The following FBXO7 variants were observed in gnomAD, a reference collection of about 807,000 sequenced individuals.
The protein encoded by FBXO7 is F-box only protein 7.
FBXO7 carries 31 observed loss-of-function variants against 50.2 expected under a neutral mutation model. That is an observed-to-expected ratio of 0.62 (90% CI 0.46 to 0.83). The LOEUF (loss-of-function observed/expected upper bound fraction) is 0.83. FBXO7 is among the 40% of genes least tolerant of loss of function. The probability of loss-of-function intolerance (pLI) is 0.00; values close to 1 mark genes in which losing one functional copy is unlikely to be tolerated. For synonymous variants in FBXO7, 256 were observed against 253.1 expected, an observed-to-expected ratio of 1.01 and a Z score of -0.11; for missense variants, 667 against 646.6, an observed-to-expected ratio of 1.03 and a Z score of -0.34.
rs762209257 is a variant in FBXO7, at chr22:32,483,895, A to T, written c.418-2A>T. 6 of 1,613,340 alleles carry T rather than the reference A, an allele frequency of 3.7e-6. No individual in the cohort carries two copies. The highest frequency in any genetic ancestry group is 5.1e-6 in the Non-Finnish European group (6 of 1,179,406). On this transcript the variant is annotated splice_acceptor_variant, in intron 2 of 8. Coordinates refer to ENST00000266087, the MANE Select transcript of FBXO7 (RefSeq NM_012179.4). LOFTEE classifies it high-confidence loss of function. ...ATTCATTGTTTTGTTTTCCTTTTTC[A>T]GTTAGGGCCTAGTCAAAATTTTGAA...
intron 2 of FBXO7, among the ~76,000 whole-genome samples, chr22:32,483,055 A>G (rs890699719): frequency 6.6e-6 from 1 of 152,218 alleles, no homozygotes; most frequent in Non-Finnish European, 1.5e-5. Context: ...AGGACTTTGT[A>G]TGCTAAGGGA....
Position 32,485,183 on chromosome 22 carries a change from C to T in FBXO7, c.761C>T (p.Pro254Leu). The stretch of plus-strand genomic sequence containing the variant: ...AGCTCCGCTACTCTCACCTGTGTGC[C>T]TTTGGGAAACCTGATTGTTGTAAAT... ...EGSSATLTCV[P>L]LGNLIVVNAT... Residue 254 changes from proline (P) to leucine (L), a missense_variant, in exon 4 of 9, where the codon CCT (proline) becomes CTT (leucine). Physicochemically the swap from Pro to Leu is moderately conservative, Grantham distance 98. Coordinates refer to ENST00000266087, the MANE Select transcript of FBXO7 (RefSeq NM_012179.4). 6.2e-7 allele frequency: 1 copy of T among 1,614,116 alleles called. No homozygotes were observed. Among genetic ancestry groups the T allele is most frequent in the Admixed American group, 1.7e-5 (1 of 60,020 alleles).
intron 1 of FBXO7, among the ~76,000 whole-genome samples, chr22:32,476,862 A>G (rs906325657): frequency 6.6e-6 from 1 of 152,222 alleles, no homozygotes; most frequent in Admixed American, 6.5e-5. Flanking sequence ...GAATCCTGGA[A>G]AACTATATAT....
At chr22:32,488,022 TC>T (rs1763384344) in intron 5 of FBXO7, 194 bp downstream of exon 5, 1 of 544,484 alleles carries the variant, frequency 1.8e-6, no homozygotes, top group South Asian at 2.1e-5. Flanking sequence ...GGAGTTTGTT[TC>T]TTTCCTGTTT....
In FBXO7 at chr22:32,495,381, T is replaced by TTTC. The variant is rs1555884622; in HGVS notation, c.1145-110_1145-109insCTT. On this transcript the variant is annotated intron_variant, in intron 7 of 8. Transcript: ENST00000266087. ...TATAAATGGTTAGTTTTTTTTTTTTTTTATGCTTAACGGGTAAGTTTCACT... is the reference window on the plus strand; with the variant it reads ...TATAAATGGTTAGTTTTTTTTTTTTTTTCTTATGCTTAACGGGTAAGTTTCACT... The TTTC allele has an allele frequency of 0.048, 28,938 of 601,474 alleles. 68 individuals are homozygous for TTTC. The highest frequency in any genetic ancestry group is 0.15 in the East Asian group (4,638 of 31,162). The allele number at this position is 601,474 out of a possible 1,614,324, so 37.3% of individuals were successfully genotyped here. A position where few individuals can be genotyped will look rare whatever the true frequency, so the allele number is the denominator to read the frequency against.
intron 1 of FBXO7, chr22:32,475,451 C>T: frequency 1.9e-6 from 3 of 1,600,388 alleles, no homozygotes; most frequent in Middle Eastern, 1.7e-4. Context: ...GAGGAGGGAA[C>T]GCACAATTTC....
chr22:32,487,619 A>T (rs540147772), intron 4 of FBXO7, 126 bp from the exon 5 acceptor site: 2 of 672,120 alleles, frequency 3.0e-6, no homozygotes, highest in South Asian at 3.4e-5. Flanking sequence ...TAGGCGAAGA[A>T]CAGTTTGTTT....
chr22:32,495,460 T>C, intron 7 of FBXO7, 33 bp from the exon 8 acceptor site: 1 of 1,509,552 alleles, frequency 6.6e-7, no homozygotes, highest in Non-Finnish European at 9.2e-7. Flanking sequence ...ATGAAATGTT[T>C]TTAAATCCTT....
rs1438517742 is a variant in FBXO7, at chr22:32,491,181, G to A, written c.967G>A (p.Ala323Thr). 1 of 1,578,766 alleles carries A rather than the reference G, an allele frequency of 6.3e-7. No homozygotes were observed. The highest frequency in any genetic ancestry group is 1.3e-5 in the African/African-American group (1 of 74,256). ...TCCTCTTCTGGCTTTTACCCGACAA[G>A]GTAAGAGATGAAATACTGTCACAAT... The part of the protein sequence containing the change: ...VYPLLAFTRQ[A>T]LNLPDVFGLV... Residue 323 changes from alanine (A) to threonine (T), a missense_variant and splice_region_variant, in exon 6 of 9, where the codon GCA becomes ACA. Transcript: ENST00000266087.
At chr22:32,480,758 C>T (rs1337982478) in intron 2 of FBXO7, among the ~76,000 whole-genome samples, 1 of 151,942 alleles carries the variant, frequency 6.6e-6, no homozygotes, top group African/African-American at 2.4e-5. Context: ...CAACCCTACC[C>T]TTCCGGGGTC....
chr22:32,484,043 A>C lies in FBXO7; in HGVS notation c.564A>C (p.Gln188His), dbSNP rs374263493. Residue 188 changes from glutamine (Q) to histidine (H), a missense_variant, in exon 3 of 9, where the codon CAA becomes CAC. Gln to His is a conservative substitution (Grantham distance 24, BLOSUM62 0). Transcript: ENST00000266087. ...QVPHSLETLY[Q>H]SADCSDANDA... The stretch of plus-strand genomic sequence containing the variant: ...CACATTCATTAGAGACCTTGTATCA[A>C]TCAGCTGACTGTTCTGATGCCAATG... 6.2e-7 allele frequency: 1 copy of C among 1,614,072 alleles called. No homozygotes were observed. The highest frequency in any genetic ancestry group is 1.7e-5 in the Admixed American group (1 of 60,002).
intron 2 of FBXO7, among the ~76,000 whole-genome samples, chr22:32,481,287 A>C (rs762112861): frequency 2.0e-5 from 3 of 152,210 alleles, no homozygotes; most frequent in Non-Finnish European, 4.4e-5. Flanking sequence ...ATGAGTAAGA[A>C]TATTTCGCTG....
At chr22:32,477,475 C>T (rs1428052776) in intron 1 of FBXO7, among the ~76,000 whole-genome samples, 1 of 152,168 alleles carries the variant, frequency 6.6e-6, no homozygotes, top group African/African-American at 2.4e-5. Flanking sequence ...GTCAAATAAT[C>T]TGTGATGCAG....
intron 1 of FBXO7, among the ~76,000 whole-genome samples, chr22:32,476,618 T>A (rs529861685): frequency 6.6e-6 from 1 of 152,352 alleles, no homozygotes; most frequent in African/African-American, 2.4e-5. Context: ...GATATTATTT[T>A]AAAAATATCT....
chr22:32,475,032 G>A lies in FBXO7; in HGVS notation c.30G>A (p.Arg10=), dbSNP rs1394756502. 1.3e-6 allele frequency: 2 copies of A among 1,542,142 alleles called. No homozygotes were observed. The highest frequency in any genetic ancestry group is 4.9e-5 in the East Asian group (2 of 40,664). The change falls in exon 1 of 9, where the codon CGG becomes CGA. Residue 10 remains arginine, a synonymous_variant. Coordinates refer to ENST00000266087, the MANE Select transcript of FBXO7 (RefSeq NM_012179.4). MRLRVRLLK[R]TWPLEVPETE... ...GGCTGCGGGTGCGGCTTCTGAAGCGGACCTGGCCGCTGGAGGTGCCCGAGA... is the reference window on the plus strand; with the variant it reads ...GGCTGCGGGTGCGGCTTCTGAAGCGAACCTGGCCGCTGGAGGTGCCCGAGA...
At chr22:32,479,376 T>C in intron 2 of FBXO7, 101 bp downstream of exon 2, 1 of 1,069,278 alleles carries the variant, frequency 9.4e-7, no homozygotes, top group African/African-American at 1.6e-5. Flanking sequence ...CATCGATAGA[T>C]TGCACATTTT....
intron 4 of FBXO7, among the ~76,000 whole-genome samples, chr22:32,486,814 C>T (rs1388497495): frequency 6.6e-6 from 1 of 152,188 alleles, no homozygotes; most frequent in Non-Finnish European, 1.5e-5. Context: ...GTAGCTTTTA[C>T]TTTGGCATTC....
At chr22:32,495,348 G>A (rs1011332869) in intron 7 of FBXO7, 145 bp from the exon 8 acceptor site, 1 of 598,616 alleles carries the variant, frequency 1.7e-6, no homozygotes, top group Non-Finnish European at 3.0e-6. Context: ...ATGATATAGT[G>A]TGTGTTATAT....
chr22:32,491,227 G>T, intron 6 of FBXO7, 46 bp downstream of exon 6: 36 of 1,296,718 alleles, frequency 2.8e-5, no homozygotes, highest in Non-Finnish European at 3.8e-5. Context: ...GTAAAGAATA[G>T]TAAGTATACT....
Sources: allele counts gnomAD v4.1 joint callset (sites outside exome capture counted in the v4.1 genomes callset), GRCh38; gene constraint gnomAD v4.1.1; transcripts MANE v1.5; gene names NCBI Gene and HGNC (gene_info 2026-07-23, HGNC 2026-07-21).